GTF2IRD1: variants seen among roughly 807,000 people sequenced by gnomAD.
GTF2IRD1 encodes the protein GTF2I repeat domain containing 1.
Under a neutral mutation model 113.2 loss-of-function variants are expected in GTF2IRD1, and 26 were observed. That is an observed-to-expected ratio of 0.23 (90% CI 0.17 to 0.32). The LOEUF (loss-of-function observed/expected upper bound fraction) is 0.32. Among genes scored for constraint, GTF2IRD1 ranks in the 10% least tolerant of loss-of-function variants. The pLI is 1.00. For missense variants in GTF2IRD1, 864 were observed against 1,280.8 expected (o/e 0.67, Z 4.97); for synonymous variants, 484 against 529.1 (o/e 0.91, Z 1.17).
intron 1 of GTF2IRD1, chr7:74,506,214 T>A (rs1554341026): frequency 1.3e-5 from 2 of 152,228 alleles, no homozygotes; most frequent in African/African-American, 2.4e-5. Context: ...TCTGTGTCAT[T>A]GGCCAATGAT....
Position 74,555,469 on chromosome 7 carries a change from G to C in GTF2IRD1, c.1998G>C (p.Glu666Asp). 1.2e-6 allele frequency: 2 copies of C among 1,611,998 alleles called. No individual in the cohort carries two copies. Among genetic ancestry groups the C allele is most frequent in the Non-Finnish European group, 1.7e-6 (2 of 1,178,060 alleles). ...ERDSGDPLVD[E>D]SLKRQGFQEN... is the part of the protein sequence containing the mutation. The stretch of plus-strand genomic sequence containing the variant: ...ATTCCGGGGACCCTCTGGTGGACGA[G>C]AGCCTGAAGAGACAGGGCTTTCAAG... The change falls in exon 19 of 27, where the codon GAG becomes GAC. Residue 666 changes from glutamate (E) to aspartate (D), a missense_variant. Around this residue, in one of 7 missense-constraint regions of GTF2IRD1, gnomAD observed 195 missense variants for 359.1 expected, o/e 0.54. Transcript: ENST00000424337. The surrounding 1 kb of genome is among the most constrained non-coding windows in gnomAD (Gnocchi z 5.3).
intron 1 of GTF2IRD1, among the ~76,000 whole-genome samples, chr7:74,456,575 C>T (rs1295969400): frequency 1.4e-4 from 21 of 151,788 alleles, no homozygotes; most frequent in African/African-American, 4.8e-4. Context: ...CCCAGCTGCT[C>T]GGGAGGCTGA....
At chr7:74,542,012 T>C (rs1290999629) in intron 14 of GTF2IRD1, among the ~76,000 whole-genome samples, 1 of 151,624 alleles carries the variant, frequency 6.6e-6, no homozygotes, top group Non-Finnish European at 1.5e-5. Flanking sequence ...AGGAGGATCC[T>C]TTGAGCCCAG....
At chr7:74,517,981 C>T (rs1797050047) in intron 4 of GTF2IRD1, among the ~76,000 whole-genome samples, 158 bp from the exon 5 acceptor site, 2 of 152,164 alleles carry the variant, frequency 1.3e-5, no homozygotes, top group Admixed American at 1.3e-4. Flanking sequence ...AGCCTGCAGG[C>T]GGTTATTCTG....
chr7:74,557,742 C>T lies in GTF2IRD1; in HGVS notation c.2107+20C>T, dbSNP rs781856724. The T allele has an allele frequency of 1.1e-4, 158 of 1,473,092 alleles. 1 individual carries two copies. Among genetic ancestry groups the T allele is most frequent in the African/African-American group, 2.6e-4 (19 of 71,924 alleles). The allele number at this position is 1,473,092 out of a possible 1,614,324, so 91.3% of individuals were successfully genotyped here. A position where few individuals can be genotyped will look rare whatever the true frequency, so the allele number is the denominator to read the frequency against. ...AATACGGTAAGCAGTGCAGAACCCC[C>T]GGGGAGGGACACGCAGCTGCTGTGC... On this transcript the variant is annotated intron_variant, in intron 20 of 26. Coordinates refer to ENST00000424337, the MANE Select transcript of GTF2IRD1 (RefSeq NM_005685.4).
At chr7:74,460,855 G>A (rs887853987) in intron 1 of GTF2IRD1, among the ~76,000 whole-genome samples, 4 of 152,182 alleles carry the variant, frequency 2.6e-5, no homozygotes, top group Admixed American at 6.5e-5. Flanking sequence ...CCACGGGGGC[G>A]GTTGTGGACT....
rs139913716 is a variant in GTF2IRD1, at chr7:74,502,177, C to T, written c.-6-5898C>T. On this transcript the variant is annotated intron_variant, in intron 1 of 26. Transcript: ENST00000424337. ...TGGTCTTGAACTTCTGGCCTCAAGC[C>T]ATCCTCCCACCTTGGCCTCCCAGAG... 2.6e-4 allele frequency among the ~76,000 whole-genome samples: 40 copies of T among 152,248 alleles called. 1 individual carries two copies. The East Asian group carries it at 7.7e-3, about 29-fold the overall frequency.
intron 7 of GTF2IRD1, among the ~76,000 whole-genome samples, chr7:74,523,441 C>T (rs1445577858): frequency 6.6e-6 from 1 of 152,062 alleles, no homozygotes; most frequent in Non-Finnish European, 1.5e-5. Context: ...GACCTCAGGC[C>T]GGACTTGGTG....
At chr7:74,553,585 G>A (rs2130735914) in intron 17 of GTF2IRD1, among the ~76,000 whole-genome samples, 1 of 152,344 alleles carries the variant, frequency 6.6e-6, no homozygotes, top group South Asian at 2.1e-4. Flanking sequence ...ACCATGCCCA[G>A]CCTTGAGCAC....
chr7:74,549,891 C>T (rs1346187413), intron 17 of GTF2IRD1, among the ~76,000 whole-genome samples: 2 of 152,136 alleles, frequency 1.3e-5, no homozygotes, highest in East Asian at 3.9e-4. Context: ...ACAAAATTAG[C>T]CGGGCGTGGT....
chr7:74,513,959 G>A (rs1488336273), intron 3 of GTF2IRD1, among the ~76,000 whole-genome samples: 4 of 152,166 alleles, frequency 2.6e-5, no homozygotes, highest in South Asian at 2.1e-4. Context: ...ACTACAGTGA[G>A]CTACGATGGC....
intron 17 of GTF2IRD1, among the ~76,000 whole-genome samples, chr7:74,553,196 C>T (rs1554355584): frequency 6.6e-6 from 1 of 151,692 alleles, no homozygotes; most frequent in African/African-American, 2.4e-5. Flanking sequence ...GTGGTGCTGT[C>T]TCGGCTCACT....
Position 74,558,965 on chromosome 7 carries a change from C to T in GTF2IRD1, c.2212C>T (p.Arg738Ter), listed in dbSNP as rs1799783687. ...IEGLPPGIPFRKPCTFGSQNL... is the reference protein window; with the variant it reads ...IEGLPPGIPF Reference sequence around the variant, plus strand: ...GGGGCTGCCCCCAGGAATCCCGTTCCGAAAGCCCTGTACCTTCGGCTCCCA... The same window carrying T: ...GGGGCTGCCCCCAGGAATCCCGTTCTGAAAGCCCTGTACCTTCGGCTCCCA... The change falls in exon 21 of 27, where the codon CGA becomes TGA. Residue 738 changes from arginine (R) to a stop codon, truncating the protein, a stop_gained. Coordinates refer to ENST00000424337, the MANE Select transcript of GTF2IRD1 (RefSeq NM_005685.4). LOFTEE classifies it high-confidence loss of function. 2 of 1,614,100 alleles carry T rather than the reference C, an allele frequency of 1.2e-6. No individual in the cohort carries two copies. Among genetic ancestry groups the T allele is most frequent in the Non-Finnish European group, 1.7e-6 (2 of 1,180,004 alleles).
At chr7:74,536,348 G>A in intron 11 of GTF2IRD1, 73 bp downstream of exon 11, 1 of 895,828 alleles carries the variant, frequency 1.1e-6, no homozygotes, top group African/African-American at 1.6e-5. Flanking sequence ...TACCTGCAAG[G>A]GGGTACCCAG....
intron 8 of GTF2IRD1, among the ~76,000 whole-genome samples, chr7:74,527,894 CG>C (rs1797700548): frequency 6.6e-6 from 1 of 152,056 alleles, no homozygotes; most frequent in South Asian, 2.1e-4. Context: ...TAGCTGGGGT[CG>C]AAGTGAATGA....
chr7:74,487,906 CTTCCATTTTT>C, intron 1 of GTF2IRD1, among the ~76,000 whole-genome samples: 1 of 152,248 alleles, frequency 6.6e-6, no homozygotes, highest in Admixed American at 6.5e-5. Context: ...GTTTCCATCA[CTTCCATTTTT>C]TTCAGAATAT....
At chr7:74,527,048 C>A (rs1554347354) in intron 8 of GTF2IRD1, among the ~76,000 whole-genome samples, 1 of 152,034 alleles carries the variant, frequency 6.6e-6, no homozygotes, top group Non-Finnish European at 1.5e-5. Flanking sequence ...GCCAGAGAAG[C>A]AGGGCTAGGA....
At chr7:74,501,710 G>A (rs1796042551) in intron 1 of GTF2IRD1, among the ~76,000 whole-genome samples, 1 of 152,156 alleles carries the variant, frequency 6.6e-6, no homozygotes, top group African/African-American at 2.4e-5. Flanking sequence ...GGAGTGCAGT[G>A]GCGTGATCTC....
In GTF2IRD1 at chr7:74,577,112, A is replaced by C. The variant is rs1467352051; in HGVS notation, c.2321-12739A>C. ...GAGTGCAGTGGCGCAATCTCGGCTCACTGCAAGCTCTGCCTCCTGAGTTCA... is the reference window on the plus strand; with the variant it reads ...GAGTGCAGTGGCGCAATCTCGGCTCCCTGCAAGCTCTGCCTCCTGAGTTCA... On this transcript the variant is annotated intron_variant, in intron 22 of 26. Transcript: ENST00000424337. 2.6e-5 allele frequency among the ~76,000 whole-genome samples: 4 copies of C among 151,914 alleles called. No homozygotes were observed. The East Asian group carries it at 7.8e-4, about 29-fold the overall frequency.
Sources: gnomAD v4.1 joint callset for allele counts (sites outside exome capture counted in the v4.1 genomes callset) on GRCh38, gnomAD v4.1.1 for gene constraint, gnomAD v4.1.1 regional missense constraint, Gnocchi (gnomAD v3.1) non-coding constraint, MANE v1.5 for transcripts, NCBI Gene and HGNC (gene_info 2026-07-23, HGNC 2026-07-21) for gene names.